CTNNA3: variants seen among roughly 807,000 people sequenced by gnomAD.
CTNNA3 encodes the protein catenin alpha 3, also known as catenin alpha-3.
A neutral mutation model predicts 95.7 loss-of-function variants in CTNNA3; 76 were observed. The ratio of observed to expected loss-of-function variants is 0.79; its 90% CI spans 0.66 to 0.96. The LOEUF (loss-of-function observed/expected upper bound fraction) is 0.96, where lower values mean the gene tolerates loss of function less well. Among genes scored for constraint, CTNNA3 ranks in the 40% least tolerant of loss-of-function variants. CTNNA3 has a pLI of 0.00. For synonymous variants in CTNNA3, 431 were observed against 374.4 expected (o/e 1.15, Z -1.74); for missense variants, 1,191 against 1,089.8 (o/e 1.09, Z -1.31).
intron 15 of CTNNA3, among the ~76,000 whole-genome samples, chr10:66,001,431 A>C (rs1447776784): frequency 6.6e-6 from 1 of 152,154 alleles, no homozygotes; most frequent in Non-Finnish European, 1.5e-5. Flanking sequence ...TTTTATTTCT[A>C]ACATTCAAAT....
At chr10:67,313,844 T>C (rs1037328287) in intron 5 of CTNNA3, among the ~76,000 whole-genome samples, 2 of 152,144 alleles carry the variant, frequency 1.3e-5, no homozygotes, top group Non-Finnish European at 2.9e-5. Flanking sequence ...TCAAACAGCA[T>C]ATAAAAGAAG....
At chr10:67,447,205 C>T (rs1407908822) in intron 5 of CTNNA3, among the ~76,000 whole-genome samples, 1 of 152,192 alleles carries the variant, frequency 6.6e-6, no homozygotes, top group Non-Finnish European at 1.5e-5. Context: ...GTGAATCTAG[C>T]GTAAGCTATA....
chr10:67,048,244 C>T (rs543874664), intron 7 of CTNNA3, among the ~76,000 whole-genome samples: 14 of 152,030 alleles, frequency 9.2e-5, no homozygotes, highest in African/African-American at 2.2e-4. Flanking sequence ...TTTATATAAA[C>T]GAGGAAGAAA....
chr10:67,630,319 G>T (rs541383765), intron 2 of CTNNA3, among the ~76,000 whole-genome samples: 72 of 152,330 alleles, frequency 4.7e-4, no homozygotes, highest in Admixed American at 3.5e-3. Flanking sequence ...ATAGAGGATT[G>T]ACATATGTCA....
intron 7 of CTNNA3, among the ~76,000 whole-genome samples, chr10:66,936,988 T>C (rs1472227384): frequency 1.3e-5 from 2 of 152,168 alleles, no homozygotes; most frequent in African/African-American, 2.4e-5. Flanking sequence ...TCATCCTCTA[T>C]AGATTCCTCA....
At chr10:67,594,757 G>A (rs12767363) in intron 3 of CTNNA3, among the ~76,000 whole-genome samples, 1 of 151,786 alleles carries the variant, frequency 6.6e-6, no homozygotes, top group Non-Finnish European at 1.5e-5. Context: ...ATGAGTTTTG[G>A]AGGAACAGGT....
chr10:67,177,332 A>G (rs941070728), intron 7 of CTNNA3, among the ~76,000 whole-genome samples: 2 of 152,166 alleles, frequency 1.3e-5, no homozygotes, highest in African/African-American at 4.8e-5. Context: ...GTGTGGACTG[A>G]GCCTGAGACA....
chr10:66,796,739 T>G (rs980169521), intron 7 of CTNNA3, among the ~76,000 whole-genome samples: 2 of 152,050 alleles, frequency 1.3e-5, no homozygotes, highest in African/African-American at 2.4e-5. Flanking sequence ...AAAGACCAAG[T>G]AGGTATTAAC....
At chr10:67,042,504 T>C (rs1365713002) in intron 7 of CTNNA3, among the ~76,000 whole-genome samples, 1 of 151,976 alleles carries the variant, frequency 6.6e-6, no homozygotes, top group Non-Finnish European at 1.5e-5. Context: ...TTTGGAGTCA[T>C]ATATGTATAA....
At chr10:67,543,343 CAAAT>C (rs1346248895) in intron 3 of CTNNA3, among the ~76,000 whole-genome samples, 3 of 151,852 alleles carry the variant, frequency 2.0e-5, no homozygotes, top group African/African-American at 7.2e-5. Context: ...TTTATATGAT[CAAAT>C]AAATAAACTC....
intron 6 of CTNNA3, among the ~76,000 whole-genome samples, chr10:67,195,385 T>A (rs1663089477): frequency 6.6e-6 from 1 of 151,836 alleles, no homozygotes; most frequent in Admixed American, 6.6e-5. Flanking sequence ...CCTACTCACA[T>A]TGGGAAAGTG....
intron 11 of CTNNA3, among the ~76,000 whole-genome samples, chr10:66,483,362 T>C (rs1027503552): frequency 2.2e-5 from 3 of 138,456 alleles, no homozygotes; most frequent in African/African-American, 8.8e-5. Flanking sequence ...CCAAGAAAAC[T>C]TGGCTTTTTT....
In CTNNA3 at chr10:66,329,997, G is replaced by A. The variant is rs188860036; in HGVS notation, c.1732+49155C>T. Among the ~76,000 whole-genome samples, 216 of 152,126 alleles carry A rather than the reference G, an allele frequency of 1.4e-3. 3 individuals carry two copies. The highest frequency in any genetic ancestry group is 5.1e-3 in the African/African-American group (211 of 41,524). On this transcript the variant is annotated intron_variant, in intron 12 of 17. Transcript: ENST00000433211. ...TTGGTTAAATGGGACATGATTCCAA[G>A]CTCAAAAAATAAAATATAGAACAGG...
chr10:67,290,637 A>C (rs1203262762), intron 5 of CTNNA3, among the ~76,000 whole-genome samples: 8 of 152,164 alleles, frequency 5.3e-5, no homozygotes, highest in South Asian at 2.1e-4. Context: ...ACAAGAGGTA[A>C]GAAATGTGAC....
intron 16 of CTNNA3, among the ~76,000 whole-genome samples, chr10:65,984,303 TA>T (rs2078381387): frequency 6.6e-6 from 1 of 151,374 alleles, no homozygotes; most frequent in Non-Finnish European, 1.5e-5. Context: ...TAAAATGTCT[TA>T]ATCTATCCAA....
At chr10:66,477,253 G>A (rs1005974933) in intron 11 of CTNNA3, among the ~76,000 whole-genome samples, 13 of 151,984 alleles carry the variant, frequency 8.6e-5, no homozygotes, top group African/African-American at 3.1e-4. Context: ...TGGCATTTCT[G>A]GGCCTTATCA....
intron 1 of CTNNA3, among the ~76,000 whole-genome samples, chr10:67,737,967 G>A (rs1454740597): frequency 6.6e-6 from 1 of 152,218 alleles, no homozygotes; most frequent in African/African-American, 2.4e-5. Flanking sequence ...GCACATGTCA[G>A]TACCCCCACT....
intron 10 of CTNNA3, among the ~76,000 whole-genome samples, chr10:66,543,325 C>T (rs1211572888): frequency 2.0e-5 from 3 of 152,068 alleles, no homozygotes; most frequent in Middle Eastern, 3.4e-3. Flanking sequence ...CTCCTGACCT[C>T]GTGATCCACC....
intron 9 of CTNNA3, among the ~76,000 whole-genome samples, chr10:66,665,644 G>A (rs1846425101): frequency 6.6e-6 from 1 of 152,114 alleles, no homozygotes; most frequent in Admixed American, 6.5e-5. Flanking sequence ...GCCAGCATAG[G>A]CCAGTAAGGC....
Sources: gnomAD v4.1 joint callset for allele counts (sites outside exome capture counted in the v4.1 genomes callset) on GRCh38, gnomAD v4.1.1 for gene constraint, MANE v1.5 for transcripts, NCBI Gene and HGNC (gene_info 2026-07-23, HGNC 2026-07-21) for gene names.